The following PTH2R variants were observed in gnomAD, a reference collection of about 807,000 sequenced individuals.
PTH2R encodes the protein parathyroid hormone 2 receptor.
In PTH2R, 59 loss-of-function variants were observed where a neutral mutation model predicts 60.3. The ratio of observed to expected loss-of-function variants is 0.98; its 90% CI spans 0.79 to 1.22. The LOEUF is 1.22. Ranked by LOEUF, PTH2R falls within the 50% of genes most tolerant of loss-of-function variation. The probability of loss-of-function intolerance (pLI) is 0.00; values close to 1 mark genes in which losing one functional copy is unlikely to be tolerated. For missense variants in PTH2R, 749 were observed against 682.6 expected, an observed-to-expected ratio of 1.10 and a Z score of -1.08; for synonymous variants, 256 against 243.8, an observed-to-expected ratio of 1.05 and a Z score of -0.47.
At chr2:208,366,239 A>G (rs996421170) in intron 1 of PTH2R, among the ~76,000 whole-genome samples, 3 of 151,394 alleles carry the variant, frequency 2.0e-5, no homozygotes, top group East Asian at 3.9e-4. Flanking sequence ...TGGTCTATTT[A>G]TATCTTCTAT....
chr2:208,490,411 G>C (rs1703375989), intron 11 of PTH2R, among the ~76,000 whole-genome samples: 1 of 152,076 alleles, frequency 6.6e-6, no homozygotes, highest in African/African-American at 2.4e-5. Flanking sequence ...GTGTATCTTG[G>C]AATGCTTTAT....
chr2:208,399,745 T>C (rs1187522835), intron 1 of PTH2R, among the ~76,000 whole-genome samples: 1 of 152,200 alleles, frequency 6.6e-6, no homozygotes, highest in Non-Finnish European at 1.5e-5. Context: ...TGAGGAATCA[T>C]AACCATGAGA....
At chr2:208,408,828 A>G (rs1213938420) in intron 1 of PTH2R, among the ~76,000 whole-genome samples, 1 of 152,176 alleles carries the variant, frequency 6.6e-6, no homozygotes, top group Non-Finnish European at 1.5e-5. Flanking sequence ...CTTTCAATAA[A>G]ACAATCAGGA....
upstream of PTH2R, among the ~76,000 whole-genome samples, chr2:208,404,863 T>C (rs1275120576): frequency 1.3e-5 from 2 of 152,174 alleles, no homozygotes; most frequent in Admixed American, 1.3e-4. Flanking sequence ...GGCTAAGTTC[T>C]TTCCAAATTT....
chr2:208,397,653 G>A lies in PTH2R; in HGVS notation c.-258-30548G>A, dbSNP rs531336596. ...TTTATATGAGGAGGCTGGAGGAGGC[G>A]GTGTCTTACTGGCATAGTGCCCAGA... On this transcript the variant is annotated intron_variant, in intron 1 of 12. Transcript: ENST00000617735. 5.3e-5 allele frequency among the ~76,000 whole-genome samples: 8 copies of A among 152,298 alleles called. No individual in the cohort carries two copies. The South Asian group carries it at 1.0e-3, about 20-fold the overall frequency.
At chr2:208,457,570 A>G (rs1702539407) in intron 8 of PTH2R, among the ~76,000 whole-genome samples, 1 of 152,244 alleles carries the variant, frequency 6.6e-6, no homozygotes. Flanking sequence ...AATAGTGCAT[A>G]CATGACATTT....
chr2:208,458,151 T>A (rs748026333), intron 8 of PTH2R, among the ~76,000 whole-genome samples: 4 of 152,154 alleles, frequency 2.6e-5, no homozygotes, highest in African/African-American at 9.7e-5. Flanking sequence ...CCAGATTGGG[T>A]GAGCATGAGT....
At chr2:208,428,357 A>T (rs1352793816) in intron 2 of PTH2R, 54 bp downstream of exon 2, 5 of 1,263,934 alleles carry the variant, frequency 4.0e-6, no homozygotes, top group Non-Finnish European at 5.7e-6. Context: ...GTTCTTATAA[A>T]GATTGCACAT....
chr2:208,487,883 A>G (rs1489875030), intron 10 of PTH2R, among the ~76,000 whole-genome samples: 1 of 152,230 alleles, frequency 6.6e-6, no homozygotes, highest in Non-Finnish European at 1.5e-5. Context: ...CGAACCAAGC[A>G]AGAGAGCCAG....
intron 1 of PTH2R, among the ~76,000 whole-genome samples, chr2:208,395,577 A>G (rs1395138573): frequency 6.6e-6 from 1 of 152,198 alleles, no homozygotes; most frequent in African/African-American, 2.4e-5. Flanking sequence ...TTACTTTTCT[A>G]GGCTCTACAA....
chr2:208,383,605 G>C (rs1700953201), intron 1 of PTH2R, among the ~76,000 whole-genome samples: 1 of 152,058 alleles, frequency 6.6e-6, no homozygotes, highest in African/African-American at 2.4e-5. Flanking sequence ...AGAAACACTT[G>C]GCTATTTATC....
intron 10 of PTH2R, among the ~76,000 whole-genome samples, chr2:208,484,706 A>T (rs181500547): frequency 6.6e-6 from 1 of 152,292 alleles, no homozygotes; most frequent in Admixed American, 6.5e-5. Flanking sequence ...TTTAATGTTT[A>T]TTTTTTTAAA....
In PTH2R at chr2:208,428,225, A is replaced by G. The variant is rs145269926; in HGVS notation, c.100A>G (p.Ile34Val). Residue 34 changes from isoleucine to valine, a missense_variant, in exon 2 of 13, where the codon ATA (isoleucine) becomes GTA (valine). By Grantham distance (29) the Ile-to-Val change is conservative (BLOSUM62 3). Coordinates refer to ENST00000272847, the MANE Select transcript of PTH2R (RefSeq NM_005048.4). Reference protein sequence around the residue: ...AQLDSDGTITIEEQIVLVLKA... With the variant: ...AQLDSDGTITVEEQIVLVLKA... ...GCTGGATTCTGATGGCACCATTACT[A>G]TAGAGGAGCAGATTGTCCTTGTGCT... 12 of 1,612,970 alleles carry G rather than the reference A, an allele frequency of 7.4e-6. No homozygotes were observed. Among genetic ancestry groups the G allele is most frequent in the Admixed American group, 3.3e-5 (2 of 59,942 alleles).
chr2:208,453,928 G>A (rs1224357785), intron 8 of PTH2R, among the ~76,000 whole-genome samples: 5 of 152,124 alleles, frequency 3.3e-5, no homozygotes, highest in Non-Finnish European at 7.4e-5. Context: ...TTTAAGGCCC[G>A]ATCATTATAT....
intron 1 of PTH2R, among the ~76,000 whole-genome samples, chr2:208,413,818 T>C (rs1389717870): frequency 6.6e-6 from 1 of 152,176 alleles, no homozygotes; most frequent in Non-Finnish European, 1.5e-5. Flanking sequence ...GAGACGGGCT[T>C]CTGGCCAGTT....
intron 5 of PTH2R, among the ~76,000 whole-genome samples, chr2:208,443,142 A>T (rs1360933812): frequency 6.6e-6 from 1 of 152,222 alleles, no homozygotes; most frequent in Admixed American, 6.5e-5. Flanking sequence ...TTAAAGTAAC[A>T]AGATGATGTA....
At position 208,414,529 on chromosome 2, in the gene PTH2R, TG is replaced by T. The variant is rs575046479; in HGVS notation, c.75+7412del. On this transcript the variant is annotated intron_variant, in intron 1 of 12. Coordinates refer to ENST00000272847, the MANE Select transcript of PTH2R (RefSeq NM_005048.4). ...TTTTCTGTTTATCTTTTGAGTCCTT[TG>T]TCAGCTAATGAGGATAGTGAATTTT... Among the ~76,000 whole-genome samples, 25 of 152,234 alleles carry T rather than the reference TG, an allele frequency of 1.6e-4. No homozygotes were observed. In the South Asian group the frequency reaches 3.7e-3, roughly 23 times the overall value.
chr2:208,361,820 T>G (rs1485070861), intron 1 of PTH2R, among the ~76,000 whole-genome samples: 1 of 152,200 alleles, frequency 6.6e-6, no homozygotes, highest in Admixed American at 6.5e-5. Context: ...TGCCACATTT[T>G]GTTTATCCAT....
intron 9 of PTH2R, among the ~76,000 whole-genome samples, chr2:208,478,851 A>G (rs1382469302): frequency 4.6e-5 from 7 of 152,170 alleles, no homozygotes; most frequent in African/African-American, 1.7e-4. Context: ...TCTGTGCCTC[A>G]GGTTCCTCAT....
Sources: allele counts gnomAD v4.1 joint callset (sites outside exome capture counted in the v4.1 genomes callset), GRCh38; gene constraint gnomAD v4.1.1; transcripts MANE v1.5; gene names NCBI Gene and HGNC (gene_info 2026-07-23, HGNC 2026-07-21).